Variants in TMPRSS11F observed in about 807,000 individuals in gnomAD.
The protein encoded by TMPRSS11F is transmembrane protease serine 11F.
A neutral mutation model predicts 60.2 loss-of-function variants in TMPRSS11F; 47 were observed. The observed-to-expected ratio is 0.78, with a 90% CI of 0.62 to 1.00. The LOEUF (loss-of-function observed/expected upper bound fraction) is 1.00, where lower values mean the gene tolerates loss of function less well. Ranked by LOEUF, TMPRSS11F falls within the 50% of genes least tolerant of loss-of-function variation. TMPRSS11F has a pLI of 0.00. For synonymous variants in TMPRSS11F, 166 were observed against 167.3 expected, an observed-to-expected ratio of 0.99 and a Z score of 0.06; for missense variants, 519 against 522.9, an observed-to-expected ratio of 0.99 and a Z score of 0.07.
chr4:68,127,031 A>G (rs1724725286), intron 1 of TMPRSS11F, among the ~76,000 whole-genome samples: 1 of 152,180 alleles, frequency 6.6e-6, no homozygotes, highest in Non-Finnish European at 1.5e-5. Context: ...GGTCCACTCC[A>G]ATGGTTCTAA....
intron 7 of TMPRSS11F, 82 bp from the exon 8 acceptor site, chr4:68,065,026 T>C: frequency 3.0e-6 from 4 of 1,354,362 alleles, no homozygotes; most frequent in Non-Finnish European, 4.0e-6. Flanking sequence ...TTCCCAACTG[T>C]CAGTATTATG....
intron 9 of TMPRSS11F, among the ~76,000 whole-genome samples, chr4:68,057,296 A>G (rs1387672947): frequency 6.6e-6 from 1 of 151,558 alleles, no homozygotes; most frequent in East Asian, 1.9e-4. Context: ...AAAAAAAAAA[A>G]AAAAAGGAGA....
At chr4:68,074,094 G>C (rs1164132435) in intron 3 of TMPRSS11F, 85 bp from the exon 4 acceptor site, 2 of 822,972 alleles carry the variant, frequency 2.4e-6, no homozygotes, top group Non-Finnish European at 3.6e-6. Context: ...TTAGTCTTAA[G>C]AAAAGTGTTA....
intron 1 of TMPRSS11F, among the ~76,000 whole-genome samples, chr4:68,106,925 C>T (rs1404572972): frequency 6.6e-6 from 1 of 152,138 alleles, no homozygotes; most frequent in Non-Finnish European, 1.5e-5. Context: ...AGATCTATCT[C>T]TCTTTATAGC....
intron 7 of TMPRSS11F, 115 bp from the exon 8 acceptor site, chr4:68,065,059 A>C: frequency 9.0e-7 from 1 of 1,110,318 alleles, no homozygotes; most frequent in Non-Finnish European, 1.2e-6. Flanking sequence ...TCTTTTGGTG[A>C]GAAAGTTTGT....
At chr4:68,063,164 A>G (rs796192615) in intron 8 of TMPRSS11F, 60 of 605,186 alleles carry the variant, frequency 9.9e-5, no homozygotes, top group African/African-American at 9.2e-4. Context: ...TCAGGATAAT[A>G]AACACCCAAA....
chr4:68,116,646 A>C (rs373600183), intron 1 of TMPRSS11F, among the ~76,000 whole-genome samples: 5 of 152,194 alleles, frequency 3.3e-5, no homozygotes, highest in Non-Finnish European at 7.3e-5. Context: ...AAAATCAGAC[A>C]TATAGACCAA....
chr4:68,069,478 A>G (rs1723405326), intron 6 of TMPRSS11F, among the ~76,000 whole-genome samples: 1 of 152,188 alleles, frequency 6.6e-6, no homozygotes, highest in African/African-American at 2.4e-5. Flanking sequence ...ATCTTAAAAG[A>G]GAACTTAAAG....
At chr4:68,054,167 G>A in intron 9 of TMPRSS11F, 100 bp from the exon 10 acceptor site, 2 of 1,046,948 alleles carry the variant, frequency 1.9e-6, no homozygotes, top group Non-Finnish European at 2.8e-6. Flanking sequence ...TTGGTACACA[G>A]ACCACAGCCA....
At chr4:68,092,888 A>T (rs1219053936) in intron 2 of TMPRSS11F, among the ~76,000 whole-genome samples, 1 of 139,630 alleles carries the variant, frequency 7.2e-6, no homozygotes, top group Non-Finnish European at 1.6e-5. Flanking sequence ...AAGTGCTTTT[A>T]AAAGTGCTAA....
intron 1 of TMPRSS11F, among the ~76,000 whole-genome samples, chr4:68,113,878 G>T (rs1431465403): frequency 6.6e-6 from 1 of 151,834 alleles, no homozygotes; most frequent in Non-Finnish European, 1.5e-5. Context: ...AGCACAATTT[G>T]GTTCATAAAC....
chr4:68,073,970 A>T lies in TMPRSS11F; in HGVS notation c.322T>A (p.Phe108Ile). 1.3e-6 allele frequency: 2 copies of T among 1,586,952 alleles called. No homozygotes were observed. Among genetic ancestry groups the T allele is most frequent in the Non-Finnish European group, 1.7e-6 (2 of 1,168,888 alleles). Residue 108 changes from phenylalanine (F) to isoleucine (I), a missense_variant, in exon 4 of 10, where the codon TTT (phenylalanine) becomes ATT (isoleucine). Transcript: ENST00000356291. The stretch of plus-strand genomic sequence containing the variant: ...AATTTGATAACATGAGATTTGATAA[A>T]TCGACCGCCTACAGAAGAATGTCGA... ...IFRHSSVGGR[F>I]IKSHVIKLSP...
At chr4:68,067,595 A>G (rs929331184) in intron 7 of TMPRSS11F, among the ~76,000 whole-genome samples, 1 of 152,256 alleles carries the variant, frequency 6.6e-6, no homozygotes, top group African/African-American at 2.4e-5. Context: ...AAATTAGAAA[A>G]TCTTCACAAG....
rs367969656 is a variant in TMPRSS11F at position 68,073,976 on chromosome 4, C to T, written c.316G>A (p.Gly106Ser). 22 of 1,584,548 alleles carry T rather than the reference C, an allele frequency of 1.4e-5. No homozygotes were observed. Among genetic ancestry groups the T allele is most frequent in the Middle Eastern group, 1.7e-4 (1 of 5,994 alleles). Residue 106 changes from glycine (G) to serine (S), a missense_variant, in exon 4 of 10, where the codon GGT (glycine) becomes AGT (serine). Transcript: ENST00000356291. ...SRIFRHSSVG[G>S]RFIKSHVIKL... ...ATAACATGAGATTTGATAAATCGACCGCCTACAGAAGAATGTCGAAATATC... is the reference window on the plus strand; with the variant it reads ...ATAACATGAGATTTGATAAATCGACTGCCTACAGAAGAATGTCGAAATATC...
chr4:68,053,626 G>A lies in TMPRSS11F; in HGVS notation c.*283C>T. 1 of 273,434 alleles carries A rather than the reference G, an allele frequency of 3.7e-6. No individual in the cohort carries two copies. The highest frequency in any genetic ancestry group is 2.2e-5 in the African/African-American group (1 of 45,842). The allele number at this position is 273,434 out of a possible 1,614,324, so 16.9% of individuals were successfully genotyped here. A position where few individuals can be genotyped will look rare whatever the true frequency, so the allele number is the denominator to read the frequency against. ...AAATGATGTTCCTGTCTTCAATTGA[G>A]GGAAACCACTTATTTATCTTATTAG... On this transcript the variant is annotated 3_prime_UTR_variant, in exon 10 of 10. Coordinates refer to ENST00000356291, the MANE Select transcript of TMPRSS11F (RefSeq NM_207407.2).
chr4:68,067,211 T>A (rs1329113889), intron 7 of TMPRSS11F, among the ~76,000 whole-genome samples: 1 of 152,218 alleles, frequency 6.6e-6, no homozygotes, highest in African/African-American at 2.4e-5. Context: ...TTTGGTCTGA[T>A]CCCTTTCATT....
Position 68,072,345 on chromosome 4 carries a change from G to C in TMPRSS11F, c.492C>G (p.Asn164Lys). ...TACGTGTGAGTCTAAATGATGGTTT[G>C]TTTATGGTCAAAGACAATTGTTTGG... ...LKTKQLSLTI[N>K]KPSFRLTPID... is the part of the protein sequence containing the mutation. Residue 164 changes from asparagine (N) to lysine (K), a missense_variant, in exon 5 of 10, where the codon AAC (asparagine) becomes AAG (lysine). Transcript: ENST00000356291. The C allele has an allele frequency of 6.3e-7, 1 of 1,594,382 alleles. No individual in the cohort carries two copies. Among genetic ancestry groups the C allele is most frequent in the Non-Finnish European group, 8.5e-7 (1 of 1,169,674 alleles).
intron 9 of TMPRSS11F, among the ~76,000 whole-genome samples, chr4:68,058,284 T>A (rs1036391706): frequency 6.6e-6 from 1 of 152,226 alleles, no homozygotes; most frequent in African/African-American, 2.4e-5. Flanking sequence ...TAGCTTTACT[T>A]AACCATTCCA....
intron 1 of TMPRSS11F, among the ~76,000 whole-genome samples, chr4:68,101,205 C>T (rs1724183797): frequency 1.3e-5 from 2 of 152,078 alleles, no homozygotes; most frequent in Admixed American, 1.3e-4. Context: ...TATTTTCAGT[C>T]TGATGTAACT....
Sources: gnomAD v4.1 joint callset for allele counts (sites outside exome capture counted in the v4.1 genomes callset) on GRCh38, gnomAD v4.1.1 for gene constraint, MANE v1.5 for transcripts, NCBI Gene and HGNC (gene_info 2026-07-23, HGNC 2026-07-21) for gene names.